The following GNA12 variants were observed in gnomAD, a reference collection of about 807,000 sequenced individuals.
GNA12 encodes the protein G protein subunit alpha 12.
A neutral mutation model predicts 26.0 loss-of-function variants in GNA12; 9 were observed. The ratio of observed to expected loss-of-function variants is 0.35; its 90% CI spans 0.21 to 0.60. GNA12 has a LOEUF of 0.60. GNA12 is among the 20% of genes least tolerant of loss of function. GNA12 has a pLI of 0.78. For missense variants in GNA12, 405 were observed against 525.8 expected, an observed-to-expected ratio of 0.77 and a Z score of 2.25; for synonymous variants, 264 against 219.6, an observed-to-expected ratio of 1.20 and a Z score of -1.79.
In GNA12 at chr7:2,730,840, C is replaced by G. The variant is rs34148365; in HGVS notation, c.*341G>C. The G allele has an allele frequency of 5.0e-3, 1,317 of 265,750 alleles. 56 individuals are homozygous for G. In the East Asian group the frequency reaches 0.086, roughly 17 times the overall value. The allele number at this position is 265,750 out of a possible 1,614,324, so 16.5% of individuals were successfully genotyped here. A position where few individuals can be genotyped will look rare whatever the true frequency, so the allele number is the denominator to read the frequency against. On this transcript the variant is annotated 3_prime_UTR_variant, in exon 4 of 4. Transcript: ENST00000275364. ...AAGACAGAGCGTGTGTACACACATA[C>G]ACACACAACACGGTCCTCAATTAAA...
At chr7:2,796,919 T>C (rs1792690978) in intron 1 of GNA12, among the ~76,000 whole-genome samples, 1 of 152,230 alleles carries the variant, frequency 6.6e-6, no homozygotes, top group Non-Finnish European at 1.5e-5. Flanking sequence ...GCAGTGTTTA[T>C]GAGAACTTCT....
rs1207596798 is a variant in GNA12, at chr7:2,828,932, G to C, written c.309+14921C>G. On this transcript the variant is annotated intron_variant, in intron 1 of 3. Coordinates refer to ENST00000275364, the MANE Select transcript of GNA12 (RefSeq NM_007353.3). ...CAAAAATTTTTTAAAAGTGAGCCAG[G>C]TGTGGTGGTGTCTGCCTGCAGTCCC... 2.6e-5 allele frequency among the ~76,000 whole-genome samples: 4 copies of C among 152,112 alleles called. No individual in the cohort carries two copies. The East Asian group carries it at 7.7e-4, about 29-fold the overall frequency.
intron 2 of GNA12, among the ~76,000 whole-genome samples, chr7:2,750,018 A>C (rs1290392150): frequency 1.3e-5 from 2 of 152,208 alleles, no homozygotes; most frequent in African/African-American, 4.8e-5. Context: ...AATTTGGTGA[A>C]AGACATAAAT....
chr7:2,836,041 T>TA (rs1221369820), intron 1 of GNA12: 1 of 263,606 alleles, frequency 3.8e-6, no homozygotes, highest in South Asian at 5.2e-5. Flanking sequence ...TTATAATACT[T>TA]AAAAAAATTT....
chr7:2,737,501 C>T (rs1406813761), intron 2 of GNA12, among the ~76,000 whole-genome samples: 1 of 152,004 alleles, frequency 6.6e-6, no homozygotes, highest in Non-Finnish European at 1.5e-5. Context: ...GTTAACCAGG[C>T]TGGTCTCGAA....
chr7:2,795,528 T>C (rs928583880), intron 1 of GNA12, among the ~76,000 whole-genome samples: 9 of 150,556 alleles, frequency 6.0e-5, no homozygotes, highest in Admixed American at 2.0e-4. Flanking sequence ...TAGTCTCAGC[T>C]GAGCGGGGAG....
intron 1 of GNA12, among the ~76,000 whole-genome samples, chr7:2,798,724 A>T (rs1190219378): frequency 6.6e-6 from 1 of 152,264 alleles, no homozygotes; most frequent in Non-Finnish European, 1.5e-5. Context: ...AAGTGGGAAC[A>T]ATCAGTCTAT....
intron 1 of GNA12, among the ~76,000 whole-genome samples, chr7:2,837,778 G>C (rs74443192): frequency 0.025 from 3,822 of 151,578 alleles, 168 homozygotes; most frequent in African/African-American, 0.088. Context: ...TCTCTAAACA[G>C]AAAGGAAATG....
intron 1 of GNA12, among the ~76,000 whole-genome samples, chr7:2,804,307 A>G (rs995910462): frequency 6.6e-6 from 1 of 152,242 alleles, no homozygotes; most frequent in Non-Finnish European, 1.5e-5. Flanking sequence ...ACTGCAAATA[A>G]TAAAGGTAAG....
intron 2 of GNA12, among the ~76,000 whole-genome samples, chr7:2,785,198 C>A (rs1490909033): frequency 6.6e-6 from 1 of 152,172 alleles, no homozygotes; most frequent in Non-Finnish European, 1.5e-5. Context: ...AGGCAAGAGC[C>A]ACCCCAGAGG....
At chr7:2,758,656 C>T (rs750584711) in intron 2 of GNA12, among the ~76,000 whole-genome samples, 1 of 152,206 alleles carries the variant, frequency 6.6e-6, no homozygotes, top group Non-Finnish European at 1.5e-5. Flanking sequence ...GCCCCCACAG[C>T]ACACTTGGAG....
intron 1 of GNA12, among the ~76,000 whole-genome samples, chr7:2,827,695 G>A: frequency 6.6e-6 from 1 of 152,196 alleles, no homozygotes; most frequent in East Asian, 1.9e-4. Flanking sequence ...CAGGACCAAT[G>A]TCAGAACCAC....
chr7:2,766,250 C>G (rs1471889972), intron 2 of GNA12, among the ~76,000 whole-genome samples: 1 of 152,182 alleles, frequency 6.6e-6, no homozygotes, highest in Non-Finnish European at 1.5e-5. Context: ...GCATAATATC[C>G]TCAAGGTTCA....
At chr7:2,744,061 C>A (rs1280834930) in intron 2 of GNA12, among the ~76,000 whole-genome samples, 1 of 152,238 alleles carries the variant, frequency 6.6e-6, no homozygotes, top group Non-Finnish European at 1.5e-5. Flanking sequence ...CTCAAGGAGG[C>A]CTGCCTGCCT....
chr7:2,780,134 G>C (rs1792193012), intron 2 of GNA12, among the ~76,000 whole-genome samples: 1 of 117,582 alleles, frequency 8.5e-6, no homozygotes, highest in African/African-American at 3.3e-5. Flanking sequence ...TATATATTTT[G>C]CTACTTACCT....
intron 1 of GNA12, among the ~76,000 whole-genome samples, chr7:2,801,032 AGGTCTCGGGCAAAG>A: frequency 6.6e-6 from 1 of 152,118 alleles, no homozygotes; most frequent in Admixed American, 6.5e-5. Flanking sequence ...TTCTCTGGCG[AGGTCTCGGGCAAAG>A]GGTCTCGGTG....
At chr7:2,815,731 G>A (rs931469859) in intron 1 of GNA12, among the ~76,000 whole-genome samples, 1 of 152,168 alleles carries the variant, frequency 6.6e-6, no homozygotes. Context: ...GTGTGGCCCC[G>A]TGTGCTGTGC....
At chr7:2,789,776 GT>G (rs1313328090) in intron 2 of GNA12, among the ~76,000 whole-genome samples, 1 of 152,158 alleles carries the variant, frequency 6.6e-6, no homozygotes, top group Non-Finnish European at 1.5e-5. Context: ...GCTCCTGGTG[GT>G]GATGTGTGTG....
chr7:2,787,746 C>T (rs946608742), intron 2 of GNA12, among the ~76,000 whole-genome samples: 2 of 152,242 alleles, frequency 1.3e-5, no homozygotes, highest in Non-Finnish European at 2.9e-5. Flanking sequence ...TGTCATTTCG[C>T]CCCTACAGCA....
Sources: allele counts gnomAD v4.1 joint callset (sites outside exome capture counted in the v4.1 genomes callset), GRCh38; gene constraint gnomAD v4.1.1; transcripts MANE v1.5; gene names NCBI Gene and HGNC (gene_info 2026-07-23, HGNC 2026-07-21).